Variants in FSTL5 observed in about 807,000 individuals in gnomAD.
The protein encoded by FSTL5 is follistatin-related protein 5.
In FSTL5, 62 loss-of-function variants were observed where a neutral mutation model predicts 89.1. The ratio of observed to expected loss-of-function variants is 0.70; its 90% CI spans 0.57 to 0.86. The LOEUF (loss-of-function observed/expected upper bound fraction) is 0.86, where lower values mean the gene tolerates loss of function less well. Among genes scored for constraint, FSTL5 ranks in the 40% least tolerant of loss-of-function variants. FSTL5 has a pLI of 0.00. For missense variants in FSTL5, 1,057 were observed against 1,001.6 expected, an observed-to-expected ratio of 1.06 and a Z score of -0.75; for synonymous variants, 383 against 346.2, an observed-to-expected ratio of 1.11 and a Z score of -1.18.
intron 4 of FSTL5, among the ~76,000 whole-genome samples, chr4:161,791,925 C>T (rs1165609042): frequency 2.6e-5 from 4 of 152,162 alleles, no homozygotes; most frequent in African/African-American, 4.8e-5. Context: ...CTGCGCGCTC[C>T]GCAGAGCCAG....
At chr4:161,628,072 G>A (rs1735374625) in intron 7 of FSTL5, among the ~76,000 whole-genome samples, 1 of 152,002 alleles carries the variant, frequency 6.6e-6, no homozygotes, top group African/African-American at 2.4e-5. Context: ...TTTCCTTTTG[G>A]TTAAATAAGT....
intron 2 of FSTL5, among the ~76,000 whole-genome samples, chr4:162,090,334 G>A (rs958776943): frequency 6.6e-6 from 1 of 152,072 alleles, no homozygotes; most frequent in South Asian, 2.1e-4. Flanking sequence ...GGAAACTTCT[G>A]CAAACTATGC....
intron 8 of FSTL5, among the ~76,000 whole-genome samples, chr4:161,546,867 C>T (rs1486397538): frequency 6.6e-6 from 1 of 151,974 alleles, no homozygotes; most frequent in East Asian, 1.9e-4. Context: ...ATTGTTGACA[C>T]TCCTGTCTTC....
chr4:161,823,682 G>A (rs998530474), intron 4 of FSTL5, among the ~76,000 whole-genome samples: 1 of 152,156 alleles, frequency 6.6e-6, no homozygotes, highest in Non-Finnish European at 1.5e-5. Context: ...AACTTGGTAG[G>A]GGCAGGGCTA....
chr4:162,083,618 T>G (rs1375658249), intron 2 of FSTL5, among the ~76,000 whole-genome samples: 1 of 151,910 alleles, frequency 6.6e-6, no homozygotes, highest in African/African-American at 2.4e-5. Context: ...ATATAATTTT[T>G]CAATAGGAAA....
At chr4:162,051,370 T>C (rs1215558042) in intron 2 of FSTL5, among the ~76,000 whole-genome samples, 1 of 151,498 alleles carries the variant, frequency 6.6e-6, no homozygotes, top group East Asian at 1.9e-4. Flanking sequence ...AACAAATTGT[T>C]TTGTAATCTA....
At chr4:161,454,832 C>A (rs1272240210) in intron 15 of FSTL5, among the ~76,000 whole-genome samples, 172 bp downstream of exon 15, 3 of 152,186 alleles carry the variant, frequency 2.0e-5, no homozygotes, top group East Asian at 1.9e-4. Flanking sequence ...ATGGGAAATT[C>A]ATCACTAGTG....
intron 2 of FSTL5, among the ~76,000 whole-genome samples, chr4:162,105,465 C>A (rs1267664139): frequency 6.6e-6 from 1 of 152,070 alleles, no homozygotes; most frequent in African/African-American, 2.4e-5. Flanking sequence ...ATATACGGAA[C>A]TATTACATGT....
At chr4:161,582,226 T>C (rs1188870739) in intron 8 of FSTL5, among the ~76,000 whole-genome samples, 2 of 152,336 alleles carry the variant, frequency 1.3e-5, no homozygotes, top group Admixed American at 6.5e-5. Flanking sequence ...CATATTTTGT[T>C]TTTATTATGA....
At chr4:161,864,303 G>T (rs918305437) in intron 4 of FSTL5, among the ~76,000 whole-genome samples, 5 of 152,048 alleles carry the variant, frequency 3.3e-5, no homozygotes, top group African/African-American at 9.7e-5. Context: ...GGTGGATCAG[G>T]GCTTGAATCG....
At chr4:161,803,777 G>A (rs1729870850) in intron 4 of FSTL5, among the ~76,000 whole-genome samples, 1 of 151,988 alleles carries the variant, frequency 6.6e-6, no homozygotes, top group African/African-American at 2.4e-5. Context: ...TTGCTAACTT[G>A]ATCTAAGACA....
intron 3 of FSTL5, 140 bp from the exon 4 acceptor site, chr4:161,920,792 C>T (rs1448001512): frequency 3.0e-5 from 22 of 723,860 alleles, no homozygotes; most frequent in Non-Finnish European, 4.9e-5. Context: ...CAGTGGTGGA[C>T]ATGCTTATAT....
chr4:161,651,221 C>A (rs1736329778), intron 7 of FSTL5, among the ~76,000 whole-genome samples: 1 of 151,304 alleles, frequency 6.6e-6, no homozygotes, highest in African/African-American at 2.4e-5. Flanking sequence ...CAGATACAGG[C>A]AGATTCATCC....
intron 7 of FSTL5, among the ~76,000 whole-genome samples, chr4:161,612,704 T>C (rs887098221): frequency 1.3e-5 from 2 of 152,278 alleles, no homozygotes; most frequent in African/African-American, 4.8e-5. Flanking sequence ...CAGAAGAAAT[T>C]TCTTTTGTGG....
At chr4:161,616,846 C>T (rs1296590645) in intron 7 of FSTL5, among the ~76,000 whole-genome samples, 1 of 150,878 alleles carries the variant, frequency 6.6e-6, no homozygotes, top group African/African-American at 2.4e-5. Context: ...TGCACAGGTA[C>T]CCTGGAACTT....
At chr4:161,428,780 T>A (rs2126333792) in intron 15 of FSTL5, among the ~76,000 whole-genome samples, 1 of 152,236 alleles carries the variant, frequency 6.6e-6, no homozygotes, top group African/African-American at 2.4e-5. Flanking sequence ...TGGCTTCAAG[T>A]GTGACGAAGC....
At chr4:161,988,810 C>T (rs1034807550) in intron 3 of FSTL5, among the ~76,000 whole-genome samples, 2 of 152,070 alleles carry the variant, frequency 1.3e-5, no homozygotes, top group South Asian at 4.1e-4. Context: ...TAACCCCTTA[C>T]AGCAAGTCTT....
intron 7 of FSTL5, among the ~76,000 whole-genome samples, chr4:161,623,597 T>C (rs1271081939): frequency 6.6e-6 from 1 of 151,956 alleles, no homozygotes; most frequent in Non-Finnish European, 1.5e-5. Flanking sequence ...GATAACATTT[T>C]CTCTAGATTA....
chr4:162,118,664 C>A lies in FSTL5; in HGVS notation c.-16-7252G>T, dbSNP rs1731743131. Among the ~76,000 whole-genome samples, 3 of 152,106 alleles carry A rather than the reference C, an allele frequency of 2.0e-5. 1 individual carries two copies. In the South Asian group the frequency reaches 6.2e-4, roughly 31 times the overall value. ...TGCCGCCCCGTCATTGTACCAGCTGCAAATACTTTTTCTAACTAGCACCAT... is the reference window on the plus strand; with the variant it reads ...TGCCGCCCCGTCATTGTACCAGCTGAAAATACTTTTTCTAACTAGCACCAT... On this transcript the variant is annotated intron_variant, in intron 1 of 15. Transcript: ENST00000306100.
Sources: gnomAD v4.1 joint callset for allele counts (sites outside exome capture counted in the v4.1 genomes callset) on GRCh38, gnomAD v4.1.1 for gene constraint, MANE v1.5 for transcripts, NCBI Gene and HGNC (gene_info 2026-07-23, HGNC 2026-07-21) for gene names.